Variants in FRMPD3 observed in about 807,000 individuals in gnomAD.
FRMPD3 encodes FERM and PDZ domain-containing protein 3.
Under a neutral mutation model 97.9 loss-of-function variants are expected in FRMPD3, and 42 were observed. The ratio of observed to expected loss-of-function variants is 0.43; its 90% CI spans 0.34 to 0.55. The LOEUF (loss-of-function observed/expected upper bound fraction) is 0.55, where lower values mean the gene tolerates loss of function less well. Among genes scored for constraint, FRMPD3 ranks in the 20% least tolerant of loss-of-function variants. The probability of loss-of-function intolerance (pLI) is 0.03; values close to 1 mark genes in which losing one functional copy is unlikely to be tolerated. For synonymous variants in FRMPD3, 577 were observed against 581.1 expected, an observed-to-expected ratio of 0.99 and a Z score of 0.10; for missense variants, 1,303 against 1,457.7, an observed-to-expected ratio of 0.89 and a Z score of 1.73.
intron 14 of FRMPD3, among the ~76,000 whole-genome samples, 196 bp from the exon 15 acceptor site, chrX:107,600,107 A>C (rs1924420692): frequency 8.9e-6 from 1 of 112,297 alleles, no homozygotes; most frequent in Non-Finnish European, 1.9e-5. Context: ...GAGAGGCTTT[A>C]AAGTACATGG....
rs186977626 is a variant in FRMPD3 at position 107,597,334 on chromosome X, C to A, written c.1455C>A (p.Ser485Arg). The change falls in exon 14 of 15, where the codon AGC (serine) becomes AGA (arginine). Residue 485 changes from serine (S) to arginine (R), a missense_variant. Physicochemically the swap from Ser to Arg is moderately radical, Grantham distance 110. Coordinates refer to ENST00000683843, the MANE Select transcript of FRMPD3 (RefSeq NM_001388459.1). Reference sequence around the variant, plus strand: ...TTCTGGGTTTAGATTACATGCACAGCGCCCACCGCCCTGTCACTGGGGGCC... The same window carrying A: ...TTCTGGGTTTAGATTACATGCACAGAGCCCACCGCCCTGTCACTGGGGGCC... The part of the protein sequence containing the change: ...PPMIKADYMH[S>R]AHRPVTGGHL... 33 of 1,198,596 alleles carry A rather than the reference C, an allele frequency of 2.8e-5. No homozygotes were observed. In the East Asian group the frequency reaches 9.8e-4, roughly 36 times the overall value.
intron 1 of FRMPD3, among the ~76,000 whole-genome samples, chrX:107,524,513 A>G (rs1004784771): frequency 8.9e-6 from 1 of 112,184 alleles, no homozygotes; most frequent in Non-Finnish European, 1.9e-5. Context: ...TATGATAGAG[A>G]CAACTTCAGA....
At chrX:107,475,605 T>C (rs1396337805) in intron 1 of FRMPD3, among the ~76,000 whole-genome samples, 2 of 112,711 alleles carry the variant, frequency 1.8e-5, no homozygotes, top group Admixed American at 1.9e-4. Context: ...TGAAGTTCTC[T>C]CTAAAGTATG....
chrX:107,530,312 ACCTGCTTCAGCT>A lies in FRMPD3; in HGVS notation c.149-93_149-82del, dbSNP rs1318720772. 6.5e-6 allele frequency: 4 copies of A among 620,102 alleles called. No homozygotes were observed. In the East Asian group the frequency reaches 1.4e-4, roughly 22 times the overall value. The allele number at this position is 620,102 out of a possible 1,213,427, so 51.1% of individuals were successfully genotyped here. On this transcript the variant is annotated intron_variant, in intron 2 of 14. Coordinates refer to ENST00000683843, the MANE Select transcript of FRMPD3 (RefSeq NM_001388459.1). ...GCCTGCACCATCTCCAGGCCTCAGCACCTGCTTCAGCTCCTACAGGCACAGGGGACTTGCCCA... is the reference window on the plus strand; with the variant it reads ...GCCTGCACCATCTCCAGGCCTCAGCACCTACAGGCACAGGGGACTTGCCCA...
intron 13 of FRMPD3, among the ~76,000 whole-genome samples, chrX:107,595,605 C>T (rs1175269568): frequency 9.0e-6 from 1 of 110,971 alleles, no homozygotes; most frequent in Non-Finnish European, 1.9e-5. Context: ...CCTCTGTTTC[C>T]TTGTTGATAT....
At chrX:107,461,053 G>C (rs1407791194) in intron 1 of FRMPD3, among the ~76,000 whole-genome samples, 1 of 111,693 alleles carries the variant, frequency 9.0e-6, no homozygotes, top group Non-Finnish European at 1.9e-5. Flanking sequence ...AACCAGCATT[G>C]GCTGTTGGGT....
intron 7 of FRMPD3, among the ~76,000 whole-genome samples, chrX:107,553,894 T>C (rs1921969002): frequency 8.9e-6 from 1 of 112,326 alleles, no homozygotes; most frequent in Non-Finnish European, 1.9e-5. Flanking sequence ...TATAGTATCA[T>C]TAACCCTATT....
chrX:107,593,820 A>G (rs1201689104), intron 13 of FRMPD3, among the ~76,000 whole-genome samples: 2 of 112,044 alleles, frequency 1.8e-5, no homozygotes. Flanking sequence ...TGATGCCTCC[A>G]GATTTGTTCT....
chrX:107,484,107 C>G (rs1471922110), intron 1 of FRMPD3, among the ~76,000 whole-genome samples: 1 of 112,081 alleles, frequency 8.9e-6, no homozygotes, highest in Non-Finnish European at 1.9e-5. Flanking sequence ...TCCTTGAGAT[C>G]AGAGTAGCTC....
At chrX:107,544,407 C>T (rs1248360923) in intron 4 of FRMPD3, among the ~76,000 whole-genome samples, 1 of 112,144 alleles carries the variant, frequency 8.9e-6, no homozygotes, top group African/African-American at 3.2e-5. Context: ...CTCTAACTCA[C>T]TCATTCTCTT....
Position 107,545,777 on chromosome X carries a change from A to G in FRMPD3, c.338A>G (p.Lys113Arg). ...TTCATCAGTGCTGCGAAGAAGGCCA[A>G]GTTGAGGTCCAATCCTGTGAAGGTT... ...SAFISAAKKA[K>R]LRSNPVKVRF... The change falls in exon 5 of 15, where the codon AAG (lysine) becomes AGG (arginine). Residue 113 changes from lysine (K) to arginine (R), a missense_variant. Around this residue, in one of 3 missense-constraint regions of FRMPD3, gnomAD observed 535 missense variants for 618.6 expected, o/e 0.86. Coordinates refer to ENST00000683843, the MANE Select transcript of FRMPD3 (RefSeq NM_001388459.1). 1 of 1,210,549 alleles carries G rather than the reference A, an allele frequency of 8.3e-7. No individual in the cohort carries two copies. The highest frequency in any genetic ancestry group is 1.1e-6 in the Non-Finnish European group (1 of 895,217).
At chrX:107,517,844 G>GGGAC (rs1569414567) in intron 1 of FRMPD3, among the ~76,000 whole-genome samples, 1 of 95,313 alleles carries the variant, frequency 1.0e-5, no homozygotes, top group African/African-American at 3.8e-5. Flanking sequence ...GAGGGAGGGA[G>GGGAC]GGAGGGAGGG....
At chrX:107,454,392 C>T (rs1022864576) in intron 1 of FRMPD3, among the ~76,000 whole-genome samples, 7 of 111,584 alleles carry the variant, frequency 6.3e-5, no homozygotes, top group African/African-American at 2.3e-4. Flanking sequence ...GCTTGCTAAA[C>T]ATTTCCTCTT....
chrX:107,602,512 C>T lies in FRMPD3; in HGVS notation c.4473C>T (p.Cys1491=). 2 of 1,211,574 alleles carry T rather than the reference C, an allele frequency of 1.7e-6. No homozygotes were observed. Among genetic ancestry groups the T allele is most frequent in the East Asian group, 3.0e-5 (1 of 33,863 alleles). ...ELDEDSESSK[C]CSIRYCFYYR... ...ACGAGGACAGTGAGAGCAGCAAGTGCTGCTCCATCCGCTACTGCTTCTACT... is the reference window on the plus strand; with the variant it reads ...ACGAGGACAGTGAGAGCAGCAAGTGTTGCTCCATCCGCTACTGCTTCTACT... Residue 1491 remains cysteine (C), a synonymous_variant, in exon 15 of 15, where the codon TGC becomes TGT. Coordinates refer to ENST00000683843, the MANE Select transcript of FRMPD3 (RefSeq NM_001388459.1).
chrX:107,545,089 T>C (rs1402756295), intron 4 of FRMPD3: 1 of 111,670 alleles, frequency 9.0e-6, no homozygotes, highest in Non-Finnish European at 1.9e-5. Flanking sequence ...TAAAAATAAA[T>C]AAATAAATAC....
At chrX:107,479,195 G>A (rs1255800719) in intron 1 of FRMPD3, among the ~76,000 whole-genome samples, 1 of 112,236 alleles carries the variant, frequency 8.9e-6, no homozygotes, top group African/African-American at 3.2e-5. Context: ...GATATAGGAG[G>A]CTGGGCTGGA....
intron 13 of FRMPD3, among the ~76,000 whole-genome samples, chrX:107,597,027 C>A (rs1276394208): frequency 9.0e-6 from 1 of 111,415 alleles, no homozygotes; most frequent in Non-Finnish European, 1.9e-5. Context: ...AGATACCAGG[C>A]CCTAAACCAG....
intron 4 of FRMPD3, among the ~76,000 whole-genome samples, chrX:107,536,935 G>A (rs900173138): frequency 4.2e-4 from 47 of 111,548 alleles, no homozygotes; most frequent in African/African-American, 1.5e-3. Flanking sequence ...AGGAAACCCA[G>A]TTTCTAGCCA....
intron 1 of FRMPD3, among the ~76,000 whole-genome samples, chrX:107,493,866 A>G (rs764696048): frequency 1.8e-5 from 2 of 111,997 alleles, no homozygotes; most frequent in Non-Finnish European, 3.8e-5. Context: ...TTGATTTGCA[A>G]GAAACTTGTC....
Sources: allele counts gnomAD v4.1 joint callset (sites outside exome capture counted in the v4.1 genomes callset), GRCh38; gene constraint gnomAD v4.1.1; regional missense constraint gnomAD v4.1.1; transcripts MANE v1.5; gene names NCBI Gene and HGNC (gene_info 2026-07-23, HGNC 2026-07-21).